ZNF681: variants seen among roughly 807,000 people sequenced by gnomAD.
The protein encoded by ZNF681 is hypothetical protein FLJ31526.
Under a neutral mutation model 56.0 loss-of-function variants are expected in ZNF681, and 37 were observed. The observed-to-expected ratio is 0.66, with a 90% confidence interval of 0.51 to 0.87. The LOEUF is 0.87. ZNF681 is among the 40% of genes least tolerant of loss of function. The pLI, the probability that ZNF681 is intolerant of heterozygous loss-of-function variation, is 0.00. For missense variants in ZNF681, 741 were observed against 744.9 expected (o/e 0.99, Z 0.06); for synonymous variants, 225 against 248.6 (o/e 0.91, Z 0.89).
Position 23,739,451 on chromosome 19 carries a change from T to C in ZNF681, c.*4161A>G, listed in dbSNP as rs965223123. The C allele has an allele frequency of 2.6e-5, 4 of 152,214 alleles. No homozygotes were observed. Among genetic ancestry groups the C allele is most frequent in the Non-Finnish European group, 4.4e-5 (3 of 68,034 alleles). The allele number at this position is 152,214 out of a possible 1,614,324, so 9.4% of individuals were successfully genotyped here. On this transcript the variant is annotated 3_prime_UTR_variant, in exon 4 of 4. Transcript: ENST00000402377. ...TATAGTTCATAACAATGTATTTGTA[T>C]TTCTGAAAAATGCTAAAACATTGTC...
At position 23,745,035 on chromosome 19, in the gene ZNF681, T is replaced by A. The variant is rs761861045; in HGVS notation, c.515A>T (p.Tyr172Phe). Residue 172 changes from tyrosine (Y) to phenylalanine (F), a missense_variant, in exon 4 of 4, where the codon TAT (tyrosine) becomes TTT (phenylalanine). Physicochemically the swap from Tyr to Phe is conservative, Grantham distance 22 (BLOSUM62 3). Transcript: ENST00000402377. ...VRHTRKKPFK[Y>F]KEFGKSFCIF... ...GCAAAATGATTTGCCAAATTCTTTATATTTAAAAGGTTTTTTTCTGGTGTG... is the reference window on the plus strand; with the variant it reads ...GCAAAATGATTTGCCAAATTCTTTAAATTTAAAAGGTTTTTTTCTGGTGTG... 52 of 1,588,784 alleles carry A rather than the reference T, an allele frequency of 3.3e-5. No individual in the cohort carries two copies. Among genetic ancestry groups the A allele is most frequent in the Non-Finnish European group, 4.5e-5 (52 of 1,168,246 alleles).
At position 23,744,668 on chromosome 19, in the gene ZNF681, G is replaced by A. The variant is rs1309659562; in HGVS notation, c.882C>T (p.Ser294=). Residue 294 remains serine (S), a synonymous_variant, in exon 4 of 4, where the codon TCC becomes TCT. Coordinates refer to ENST00000402377, the MANE Select transcript of ZNF681 (RefSeq NM_138286.3). ...REECDKAFNQ[S]LTLTTHKIIH... ...TTATCTTATGTGTAGTAAGGGTTAA[G>A]GACTGATTAAAGGCTTTGTCACATT... is the stretch of plus-strand genomic sequence containing the variant. 1 of 1,596,740 alleles carries A rather than the reference G, an allele frequency of 6.3e-7. No individual in the cohort carries two copies. Among genetic ancestry groups the A allele is most frequent in the Non-Finnish European group, 8.6e-7 (1 of 1,167,798 alleles).
intron 3 of ZNF681, among the ~76,000 whole-genome samples, chr19:23,751,726 C>G (rs918937206): frequency 2.0e-5 from 3 of 151,744 alleles, no homozygotes; most frequent in African/African-American, 7.3e-5. Flanking sequence ...TGCTCTGTCA[C>G]CCAGGCTGGA....
rs1241825205 is a variant in ZNF681, at chr19:23,740,823, T to C, written c.*2789A>G. 1 of 152,154 alleles carries C rather than the reference T, an allele frequency of 6.6e-6. No individual in the cohort carries two copies. Among genetic ancestry groups the C allele is most frequent in the Non-Finnish European group, 1.5e-5 (1 of 68,018 alleles). 9.4% of individuals were successfully genotyped at this position (152,154 alleles called of 1,614,324 possible). On this transcript the variant is annotated 3_prime_UTR_variant, in exon 4 of 4. Transcript: ENST00000402377. ...AATACACTAATTTTGAAATTAAATC[T>C]AAATTTTTTGCACTAATTTTATAAA...
chr19:23,739,893 G>C lies in ZNF681; in HGVS notation c.*3719C>G, dbSNP rs1362233507. The C allele has an allele frequency of 6.6e-6, 1 of 151,932 alleles. No individual in the cohort carries two copies. Among genetic ancestry groups the C allele is most frequent in the Non-Finnish European group, 1.5e-5 (1 of 67,988 alleles). 9.4% of individuals were successfully genotyped at this position (151,932 alleles called of 1,614,324 possible). On this transcript the variant is annotated 3_prime_UTR_variant, in exon 4 of 4. Coordinates refer to ENST00000402377, the MANE Select transcript of ZNF681 (RefSeq NM_138286.3). ...AATATGGAAAAGAAATATTACTCCAGGTTTCAAAATCACAGAGGTCATTTT... is the reference window on the plus strand; with the variant it reads ...AATATGGAAAAGAAATATTACTCCACGTTTCAAAATCACAGAGGTCATTTT...
rs1347104835 is a variant in ZNF681, at chr19:23,752,513, CCA to C, written c.226+2308_226+2309del. 4.8e-4 allele frequency among the ~76,000 whole-genome samples: 3 copies of C among 6,204 alleles called. No individual in the cohort carries two copies. The Admixed American group carries it at 0.013, about 28-fold the overall frequency. 4.1% of individuals were successfully genotyped at this position (6,204 alleles called of 152,430 possible). On this transcript the variant is annotated intron_variant, in intron 3 of 3. Coordinates refer to ENST00000402377, the MANE Select transcript of ZNF681 (RefSeq NM_138286.3). ...ATCCACATTCTTAAATAAGACTCAA[CCA>C]TATACACAGACCTGACTGCAGAAAC...
intron 3 of ZNF681, among the ~76,000 whole-genome samples, chr19:23,753,230 C>G (rs576446744): frequency 5.7e-4 from 87 of 152,388 alleles, no homozygotes; most frequent in Admixed American, 5.1e-3. Flanking sequence ...GAAACCCCAT[C>G]TATACTAAAA....
chr19:23,741,287 G>C lies in ZNF681; in HGVS notation c.*2325C>G, dbSNP rs1213182971. ...GTGCTTGCAGGCAGAGAGGCAACAT[G>C]TTTGAAGAAAAATATATAACAATTT... On this transcript the variant is annotated 3_prime_UTR_variant, in exon 4 of 4. Coordinates refer to ENST00000402377, the MANE Select transcript of ZNF681 (RefSeq NM_138286.3). 3 of 152,094 alleles carry C rather than the reference G, an allele frequency of 2.0e-5. No individual in the cohort carries two copies. Among genetic ancestry groups the C allele is most frequent in the Non-Finnish European group, 4.4e-5 (3 of 68,018 alleles). The allele number at this position is 152,094 out of a possible 1,614,324, so 9.4% of individuals were successfully genotyped here.
chr19:23,754,544 T>C (rs1015887924), intron 3 of ZNF681, among the ~76,000 whole-genome samples: 1 of 152,138 alleles, frequency 6.6e-6, no homozygotes, highest in Non-Finnish European at 1.5e-5. Context: ...CACACACCTG[T>C]AGTCCCAGTT....
rs1968901806 is a variant in ZNF681, at chr19:23,743,905, G to C, written c.1645C>G (p.Leu549Val). 1 of 1,601,414 alleles carries C rather than the reference G, an allele frequency of 6.2e-7. No individual in the cohort carries two copies. The change falls in exon 4 of 4, where the codon CTT (leucine) becomes GTT (valine). Residue 549 changes from leucine (L) to valine (V), a missense_variant. Leu to Val is a conservative substitution (Grantham distance 32). Transcript: ENST00000402377. ...CGKAFNHSSH[L>V]ATHKVIHTGE... ...GTATGAATTACCTTATGTGTAGCAA[G>C]ATGTGAGGAATGGTTAAAGGCTTTG...
chr19:23,754,812 C>T lies in ZNF681; in HGVS notation c.226+11G>A. On this transcript the variant is annotated intron_variant, in intron 3 of 3. Coordinates refer to ENST00000402377, the MANE Select transcript of ZNF681 (RefSeq NM_138286.3). Reference sequence around the variant, plus strand: ...ATGTTATCTGTTGTATTCACTTTCACTCTCACCTACCTGGGGGTTCGGCCA... The same window carrying T: ...ATGTTATCTGTTGTATTCACTTTCATTCTCACCTACCTGGGGGTTCGGCCA... 1 of 1,610,420 alleles carries T rather than the reference C, an allele frequency of 6.2e-7. No homozygotes were observed. The highest frequency in any genetic ancestry group is 8.5e-7 in the Non-Finnish European group (1 of 1,176,794).
intron 3 of ZNF681, 118 bp from the exon 4 acceptor site, chr19:23,745,441 A>G (rs1968931716): frequency 2.5e-6 from 2 of 794,328 alleles, no homozygotes; most frequent in Non-Finnish European, 3.5e-6. Flanking sequence ...AAAATACCAA[A>G]GGCCCTAATT....
Position 23,742,994 on chromosome 19 carries a change from T to C in ZNF681, c.*618A>G, listed in dbSNP as rs1968890706. 6.6e-6 allele frequency: 1 copy of C among 152,218 alleles called. No homozygotes were observed. Among genetic ancestry groups the C allele is most frequent in the African/African-American group, 2.4e-5 (1 of 41,442 alleles). The allele number at this position is 152,218 out of a possible 1,614,324, so 9.4% of individuals were successfully genotyped here. A position where few individuals can be genotyped will look rare whatever the true frequency, so the allele number is the denominator to read the frequency against. Reference sequence around the variant, plus strand: ...GCCTGAAGTGTCAGTGCCTTAACTATTTCTACTGTGAATTATCTGATATTT... The same window carrying C: ...GCCTGAAGTGTCAGTGCCTTAACTACTTCTACTGTGAATTATCTGATATTT... On this transcript the variant is annotated 3_prime_UTR_variant, in exon 4 of 4. Transcript: ENST00000402377.
intron 3 of ZNF681, among the ~76,000 whole-genome samples, chr19:23,751,975 C>A (rs1394975440): frequency 6.6e-6 from 1 of 152,210 alleles, no homozygotes; most frequent in Non-Finnish European, 1.5e-5. Context: ...GCGTGAGCCA[C>A]TGCGCCCGGC....
At position 23,745,299 on chromosome 19, in the gene ZNF681, T is replaced by C. The variant is rs776736010; in HGVS notation, c.251A>G (p.Asp84Gly). ...TTTTATGTTCTGCTCTGGTGAAAAG[T>C]CTTGGGCAAAATGAGAACAAATAAC... ...PPVICSHFAQ[D>G]FSPEQNIKDS... The change falls in exon 4 of 4, where the codon GAC (aspartate) becomes GGC (glycine). Residue 84 changes from aspartate to glycine, a missense_variant. By Grantham distance (94) the Asp-to-Gly change is moderately conservative. Coordinates refer to ENST00000402377, the MANE Select transcript of ZNF681 (RefSeq NM_138286.3). The C allele has an allele frequency of 3.2e-6, 5 of 1,568,534 alleles. No homozygotes were observed. In the South Asian group the frequency reaches 3.6e-5, roughly 11 times the overall value.
At chr19:23,746,977 A>G (rs1968953309) in intron 3 of ZNF681, among the ~76,000 whole-genome samples, 1 of 152,160 alleles carries the variant, frequency 6.6e-6, no homozygotes, top group South Asian at 2.1e-4. Flanking sequence ...TCAAAAAATT[A>G]GCCAGGCATG....
chr19:23,758,326 T>C (rs1969154934), intron 1 of ZNF681, among the ~76,000 whole-genome samples: 1 of 152,230 alleles, frequency 6.6e-6, no homozygotes, highest in Non-Finnish European at 1.5e-5. Flanking sequence ...CCCAAAGTGC[T>C]GGAATTACAC....
intron 1 of ZNF681, 21 bp from the exon 2 acceptor site, chr19:23,755,572 C>A: frequency 2.1e-6 from 3 of 1,412,112 alleles, no homozygotes; most frequent in Non-Finnish European, 2.8e-6. Context: ...CACACACACA[C>A]ACACACACAC....
chr19:23,754,005 G>A (rs539256234), intron 3 of ZNF681, among the ~76,000 whole-genome samples: 69 of 150,864 alleles, frequency 4.6e-4, no homozygotes, highest in Non-Finnish European at 3.0e-5. Flanking sequence ...TTTGAATAGT[G>A]AAAGCAATCT....
Sources: allele counts gnomAD v4.1 joint callset (sites outside exome capture counted in the v4.1 genomes callset), GRCh38; gene constraint gnomAD v4.1.1; transcripts MANE v1.5; gene names NCBI Gene and HGNC (gene_info 2026-07-23, HGNC 2026-07-21).